The following FRMD4A variants were observed in gnomAD, a reference collection of about 807,000 sequenced individuals.
FRMD4A encodes FERM domain containing 4A.
In FRMD4A, 29 loss-of-function variants were observed where a neutral mutation model predicts 129.1. That is an observed-to-expected ratio of 0.22 (90% CI 0.17 to 0.31). The LOEUF is 0.31. Among genes scored for constraint, FRMD4A ranks in the 10% least tolerant of loss-of-function variants. FRMD4A has a pLI of 1.00. For missense variants in FRMD4A, 1,272 were observed against 1,375.8 expected (o/e 0.92, Z 1.19); for synonymous variants, 634 against 571.6 (o/e 1.11, Z -1.56).
intron 9 of FRMD4A, among the ~76,000 whole-genome samples, chr10:13,747,203 A>C (rs1035085898): frequency 2.6e-5 from 4 of 151,880 alleles, no homozygotes; most frequent in African/African-American, 7.2e-5. Flanking sequence ...GAAACAAAAA[A>C]GGAGAGGTCT....
chr10:13,806,313 T>C (rs1007842599), intron 4 of FRMD4A, among the ~76,000 whole-genome samples: 2 of 152,072 alleles, frequency 1.3e-5, no homozygotes, highest in African/African-American at 4.8e-5. Flanking sequence ...AAAATGAAAT[T>C]TGAGTCTTAA....
chr10:13,798,939 C>T (rs959836717), intron 4 of FRMD4A, among the ~76,000 whole-genome samples: 3 of 152,114 alleles, frequency 2.0e-5, no homozygotes, highest in East Asian at 3.9e-4. Context: ...TCCCAGTAGG[C>T]CTTTCCCTTC....
chr10:14,159,376 C>CA (rs897472688), intron 2 of FRMD4A, among the ~76,000 whole-genome samples: 4 of 151,040 alleles, frequency 2.6e-5, no homozygotes, highest in Admixed American at 6.6e-5. Flanking sequence ...CAATTGCTGC[C>CA]AAAAAAAATA....
In FRMD4A at chr10:14,019,796, T is replaced by C. The variant is rs368187042; in HGVS notation, c.46-160884A>G. ...AGAAGTAGGGCTGTGGAGGGTGACC[T>C]AGAACCACAGGCCTCTTTCTGAAAG... On this transcript the variant is annotated intron_variant, in intron 2 of 24. Transcript: ENST00000357447. 3.4e-3 allele frequency among the ~76,000 whole-genome samples: 525 copies of C among 152,320 alleles called. 1 individual carries two copies. Among genetic ancestry groups the C allele is most frequent in the African/African-American group, 0.012 (502 of 41,570 alleles).
chr10:13,653,852 A>G (rs2081899096), intron 23 of FRMD4A: 1 of 157,938 alleles, frequency 6.3e-6, no homozygotes, highest in Non-Finnish European at 1.4e-5. Context: ...CAAGCTATCA[A>G]AGGGAGCTGC....
chr10:14,303,006 C>A (rs1846234286), intron 2 of FRMD4A, among the ~76,000 whole-genome samples: 1 of 152,138 alleles, frequency 6.6e-6, no homozygotes, highest in African/African-American at 2.4e-5. Flanking sequence ...ATATCTCAGG[C>A]AGGAATCCTA....
At chr10:14,204,315 G>C (rs1388397742) in intron 2 of FRMD4A, among the ~76,000 whole-genome samples, 1 of 151,986 alleles carries the variant, frequency 6.6e-6, no homozygotes, top group Non-Finnish European at 1.5e-5. Flanking sequence ...TATAATCCCA[G>C]CTACTTGGGA....
chr10:13,753,597 C>T (rs111780454), intron 8 of FRMD4A, among the ~76,000 whole-genome samples: 25 of 137,998 alleles, frequency 1.8e-4, no homozygotes, highest in African/African-American at 5.0e-4. Flanking sequence ...CAGGCTAGAG[C>T]GCAGTTTTGA....
intron 12 of FRMD4A, among the ~76,000 whole-genome samples, chr10:13,716,570 C>T (rs960123011): frequency 6.6e-6 from 1 of 152,236 alleles, no homozygotes; most frequent in Admixed American, 6.5e-5. Context: ...CGGCCAATTG[C>T]GTCTTCCTCA....
intron 2 of FRMD4A, among the ~76,000 whole-genome samples, chr10:14,325,358 T>A (rs1843231080): frequency 6.6e-6 from 1 of 152,214 alleles, no homozygotes; most frequent in Non-Finnish European, 1.5e-5. Context: ...GCCTTTCTGA[T>A]CTTGCAACCC....
chr10:13,747,765 G>A lies in FRMD4A; in HGVS notation c.519C>T (p.Ala173=), dbSNP rs144843444. 4.2e-5 allele frequency: 67 copies of A among 1,603,138 alleles called. No homozygotes were observed. The Middle Eastern group carries it at 8.3e-4, about 20-fold the overall frequency. The change falls in exon 9 of 25, where the codon GCC becomes GCT. Residue 173 remains alanine, a synonymous_variant. Transcript: ENST00000357447. ...AGGCCAGGGAAGGGTGCTCCTTCAG[G>A]GCTTGGGTGGGAAGGGCTGGCAGCT... ...LKKLPALPTQ[A]LKEHPSLAYC... is the part of the protein sequence containing the mutation.
rs1462474156 is a variant in FRMD4A at position 13,646,484 on chromosome 10, GCCT to G, written c.*551_*553del. The G allele has an allele frequency of 1.3e-5, 2 of 152,242 alleles. No individual in the cohort carries two copies. Among genetic ancestry groups the G allele is most frequent in the Non-Finnish European group, 2.9e-5 (2 of 68,060 alleles). The allele number at this position is 152,242 out of a possible 1,614,324, so 9.4% of individuals were successfully genotyped here. On this transcript the variant is annotated 3_prime_UTR_variant, in exon 25 of 25. Coordinates refer to ENST00000357447, the MANE Select transcript of FRMD4A (RefSeq NM_018027.5). The stretch of plus-strand genomic sequence containing the variant: ...AGGTGTAAACTGAATATGCCACGAG[GCCT>G]CCTCTTCATGAAGTGCTTGGTTGGC...
chr10:13,703,158 A>G (rs1196572595), intron 13 of FRMD4A, among the ~76,000 whole-genome samples: 1 of 152,148 alleles, frequency 6.6e-6, no homozygotes, highest in Non-Finnish European at 1.5e-5. Context: ...AGGTGGTGCA[A>G]GGCTAGGTAC....
At chr10:14,130,510 C>A (rs1248404218) in intron 2 of FRMD4A, among the ~76,000 whole-genome samples, 4 of 152,182 alleles carry the variant, frequency 2.6e-5, no homozygotes, top group African/African-American at 9.6e-5. Context: ...CCCGGCCTAC[C>A]AAAGTGCTGG....
chr10:13,714,090 C>T (rs1247794512), intron 12 of FRMD4A, among the ~76,000 whole-genome samples: 1 of 92,258 alleles, frequency 1.1e-5, no homozygotes, highest in African/African-American at 4.3e-5. Context: ...GACACAGTCT[C>T]ACTCTATCCT....
At chr10:14,313,284 C>G (rs1218416) in intron 2 of FRMD4A, among the ~76,000 whole-genome samples, 132,377 of 152,090 alleles carry the variant, frequency 0.87, 57,719 homozygotes, top group Non-Finnish European at 0.88. Flanking sequence ...GATCACTTGA[C>G]CCCAGGATGT....
In FRMD4A at chr10:14,327,839, G is replaced by A. The variant is rs1039764202; in HGVS notation, c.45+2219C>T. ...GCTACTTTCCTCAGTGAGCAGACAC[G>A]CGATAAATACTGACAACTGATTGGC... On this transcript the variant is annotated intron_variant, in intron 2 of 24. Coordinates refer to ENST00000357447, the MANE Select transcript of FRMD4A (RefSeq NM_018027.5). Among the ~76,000 whole-genome samples the A allele has an allele frequency of 5.3e-5, 8 of 152,162 alleles. No homozygotes were observed. The South Asian group carries it at 6.2e-4, about 12-fold the overall frequency.
rs11293134 is a variant in FRMD4A at position 14,200,028 on chromosome 10, GTTTT to G, written c.45+130026_45+130029del. The stretch of plus-strand genomic sequence containing the variant: ...CCTTGCTTATTTATTAATTTGTTTT[GTTTT>G]TTTTTTTTTGGAGACAGGGTCTTGC... On this transcript the variant is annotated intron_variant, in intron 2 of 24. Transcript: ENST00000357447. 1.5e-5 allele frequency among the ~76,000 whole-genome samples: 2 copies of G among 130,462 alleles called. 1 individual carries two copies. Among genetic ancestry groups the G allele is most frequent in the African/African-American group, 5.5e-5 (2 of 36,504 alleles). 85.6% of individuals were successfully genotyped at this position (130,462 alleles called of 152,430 possible).
chr10:14,264,572 T>C (rs1445898311), intron 2 of FRMD4A, among the ~76,000 whole-genome samples: 1 of 151,914 alleles, frequency 6.6e-6, no homozygotes, highest in Non-Finnish European at 1.5e-5. Context: ...GCTAACTTAG[T>C]GTAAAAAATA....
Sources: allele counts gnomAD v4.1 joint callset (sites outside exome capture counted in the v4.1 genomes callset), GRCh38; gene constraint gnomAD v4.1.1; transcripts MANE v1.5; gene names NCBI Gene and HGNC (gene_info 2026-07-23, HGNC 2026-07-21).